UBR4: variants seen among roughly 807,000 people sequenced by gnomAD.
UBR4 encodes ubiquitin protein ligase E3 component n-recognin 4, also known as E3 ubiquitin-protein ligase UBR4.
In UBR4, 124 loss-of-function variants were observed where a neutral mutation model predicts 575.6. That is an observed-to-expected ratio of 0.22 (90% CI 0.19 to 0.25). UBR4 has a LOEUF of 0.25. Among genes scored for constraint, UBR4 ranks in the 10% least tolerant of loss-of-function variants. The pLI is 1.00. For synonymous variants in UBR4, 2,455 were observed against 2,473.7 expected (o/e 0.99, Z 0.22); for missense variants, 4,818 against 6,478.8 (o/e 0.74, Z 8.80).
Position 19,093,924 on chromosome 1 carries a change from A to T in UBR4, c.13937+25T>A. Reference sequence around the variant, plus strand: ...GCGTTTTAGTGGAGACTCTCATTTCACTATATGAAATCAAAGTAACATACT... The same window carrying T: ...GCGTTTTAGTGGAGACTCTCATTTCTCTATATGAAATCAAAGTAACATACT... On this transcript the variant is annotated intron_variant, in intron 95 of 105. Coordinates refer to ENST00000375254, the MANE Select transcript of UBR4 (RefSeq NM_020765.3). The surrounding 1 kb of genome is among the most constrained non-coding windows in gnomAD (Gnocchi z 4.8). 1 of 1,599,706 alleles carries T rather than the reference A, an allele frequency of 6.3e-7. No individual in the cohort carries two copies. The highest frequency in any genetic ancestry group is 8.5e-7 in the Non-Finnish European group (1 of 1,170,006).
rs779607917 is a variant in UBR4 at position 19,155,671 on chromosome 1, G to A, written c.6073-3C>T. On this transcript the variant is annotated splice_region_variant and splice_polypyrimidine_tract_variant and intron_variant, in intron 42 of 105. Coordinates refer to ENST00000375254, the MANE Select transcript of UBR4 (RefSeq NM_020765.3). ...GCATCAACACACAGGTCATAAATCT[G>A]CAGGATGGAAGAAAAATTAAATAAG... The A allele has an allele frequency of 2.5e-6, 4 of 1,610,894 alleles. No individual in the cohort carries two copies. Among genetic ancestry groups the A allele is most frequent in the Non-Finnish European group, 3.4e-6 (4 of 1,177,210 alleles).
At position 19,117,985 on chromosome 1, in the gene UBR4, C is replaced by A; in HGVS notation, c.10542-75G>T. On this transcript the variant is annotated intron_variant, in intron 71 of 105. Coordinates refer to ENST00000375254, the MANE Select transcript of UBR4 (RefSeq NM_020765.3). This position sits in a 1 kb window ranked among gnomAD's most constrained non-coding sequence, Gnocchi z 4.0. ...ACTGAGTTTCACAAAAAAATCATGA[C>A]AAAGCCATGGCTCAATGTGAGCCAA... The A allele has an allele frequency of 6.9e-7, 1 of 1,449,484 alleles. No homozygotes were observed. Among genetic ancestry groups the A allele is most frequent in the Non-Finnish European group, 9.7e-7 (1 of 1,034,958 alleles). The allele number at this position is 1,449,484 out of a possible 1,614,324, so 89.8% of individuals were successfully genotyped here. A position where few individuals can be genotyped will look rare whatever the true frequency, so the allele number is the denominator to read the frequency against.
intron 53 of UBR4, 116 bp from the exon 54 acceptor site, chr1:19,145,023 GACAA>G (rs960106992): frequency 1.3e-5 from 16 of 1,210,288 alleles, no homozygotes; most frequent in African/African-American, 9.2e-5. Context: ...CAAACAAAAT[GACAA>G]ACACTCACAT....
Position 19,187,194 on chromosome 1 carries a change from G to C in UBR4, c.1602C>G (p.Leu534=). 6.2e-7 allele frequency: 1 copy of C among 1,613,224 alleles called. No individual in the cohort carries two copies. Among genetic ancestry groups the C allele is most frequent in the South Asian group, 1.1e-5 (1 of 91,020 alleles). The part of the protein sequence containing the change: ...LIDSVPLMNL[L]LTLLSTSYRK... ...TGTAGGAAGTTGAAAGTAACGTCAA[G>C]AGCAGGTTCATCAGTGGGACAGAGT... Residue 534 remains leucine (L), a synonymous_variant, in exon 13 of 106, where the codon CTC becomes CTG. Coordinates refer to ENST00000375254, the MANE Select transcript of UBR4 (RefSeq NM_020765.3).
At position 19,099,497 on chromosome 1, in the gene UBR4, A is replaced by C. The variant is rs1446962828; in HGVS notation, c.13302+100T>G. 2.8e-6 allele frequency: 3 copies of C among 1,055,452 alleles called. No individual in the cohort carries two copies. The African/African-American group carries it at 5.2e-5, about 18-fold the overall frequency. 65.4% of individuals were successfully genotyped at this position (1,055,452 alleles called of 1,614,324 possible). On this transcript the variant is annotated intron_variant, in intron 90 of 105. Transcript: ENST00000375254. ...CAGTAAAGCCTTAGAGAGCTGCTAC[A>C]AGCCAGGTAAGTGATGATGAACAAT... is the stretch of plus-strand genomic sequence containing the variant.
At chr1:19,190,268 G>A (rs1021890784) in intron 11 of UBR4, among the ~76,000 whole-genome samples, 11 of 132,122 alleles carry the variant, frequency 8.3e-5, no homozygotes, top group African/African-American at 3.3e-4. Context: ...ACTCCAGCCT[G>A]GGCAACAGAG....
intron 69 of UBR4, 53 bp downstream of exon 69, chr1:19,120,127 C>A: frequency 6.3e-7 from 1 of 1,591,150 alleles, no homozygotes; most frequent in Non-Finnish European, 8.6e-7. Context: ...AACTGCATTA[C>A]GCACCCTGGC....
intron 8 of UBR4, 72 bp downstream of exon 8, chr1:19,197,069 G>A: frequency 6.4e-7 from 1 of 1,552,338 alleles, no homozygotes; most frequent in Non-Finnish European, 8.8e-7. Context: ...TATTCAGGAG[G>A]ATTTTCATGG....
At position 19,148,594 on chromosome 1, in the gene UBR4, C is replaced by A; in HGVS notation, c.7463G>T (p.Ser2488Ile). The A allele has an allele frequency of 6.2e-7, 1 of 1,614,232 alleles. No individual in the cohort carries two copies. The stretch of plus-strand genomic sequence containing the variant: ...GATGATTGGGCCAACGGCAAAGCAG[C>A]TTTCCAGGGCTTCTAAAGAACTCAC... ...LVVSSLEALE[S>I]CFAVGPIIEK... The change falls in exon 50 of 106, where the codon AGC (serine) becomes ATC (isoleucine). Residue 2488 changes from serine to isoleucine, a missense_variant. Physicochemically the swap from Ser to Ile is moderately radical, Grantham distance 142 (BLOSUM62 -2). This residue lies in a region of UBR4 where 340 missense variants were observed against 375.4 expected (regional missense o/e 0.91). Transcript: ENST00000375254.
chr1:19,082,968 T>C (rs2076663648), intron 102 of UBR4, among the ~76,000 whole-genome samples: 1 of 152,176 alleles, frequency 6.6e-6, no homozygotes, highest in South Asian at 2.1e-4. Flanking sequence ...GGAAGCAGTC[T>C]GGGCCGAGAA....
Position 19,175,033 on chromosome 1 carries a change from T to C in UBR4, c.2774A>G (p.Asp925Gly), listed in dbSNP as rs1254462325. ...EENWSKHFSS[D>G]AVPHPRFYCV... is the part of the protein sequence containing the mutation. ...GTAGAATCTGGGGTGTGGGACAGCATCTGAAAAGTAATATGCTGATTAAAA... is the reference window on the plus strand; with the variant it reads ...GTAGAATCTGGGGTGTGGGACAGCACCTGAAAAGTAATATGCTGATTAAAA... The change falls in exon 21 of 106, where the codon GAT becomes GGT. Residue 925 changes from aspartate to glycine, a missense_variant and splice_region_variant. By Grantham distance (94) the Asp-to-Gly change is moderately conservative. Transcript: ENST00000375254. 1 of 1,613,292 alleles carries C rather than the reference T, an allele frequency of 6.2e-7. No individual in the cohort carries two copies.
chr1:19,195,804 T>G (rs566645067), intron 8 of UBR4, among the ~76,000 whole-genome samples: 5 of 152,288 alleles, frequency 3.3e-5, no homozygotes, highest in African/African-American at 1.2e-4. Flanking sequence ...CTGAATGTTC[T>G]TCCTAAAATA....
rs2080863565 is a variant in UBR4 at position 19,118,747 on chromosome 1, A to C, written c.10541+125T>G. 6.6e-6 allele frequency: 6 copies of C among 911,684 alleles called. 1 individual carries two copies. The South Asian group carries it at 9.5e-5, about 14-fold the overall frequency. 56.5% of individuals were successfully genotyped at this position (911,684 alleles called of 1,614,324 possible). A position where few individuals can be genotyped will look rare whatever the true frequency, so the allele number is the denominator to read the frequency against. The stretch of plus-strand genomic sequence containing the variant: ...CCTACATGGAGGGGATTGGAATCTC[A>C]ACTAGGCAGATTCGCTCTTCTCTCA... On this transcript the variant is annotated intron_variant, in intron 71 of 105. Transcript: ENST00000375254.
In UBR4 at chr1:19,145,953, T is replaced by C; in HGVS notation, c.7805-20A>G. 6.2e-7 allele frequency: 1 copy of C among 1,612,664 alleles called. No individual in the cohort carries two copies. Among genetic ancestry groups the C allele is most frequent in the Non-Finnish European group, 8.5e-7 (1 of 1,178,886 alleles). Reference sequence around the variant, plus strand: ...TTCCTTCTAAGCAGGAGAAAGAAAATTATCAACGATGGTAAATCTGAGATG... The same window carrying C: ...TTCCTTCTAAGCAGGAGAAAGAAAACTATCAACGATGGTAAATCTGAGATG... On this transcript the variant is annotated intron_variant, in intron 52 of 105. Transcript: ENST00000375254.
chr1:19,132,821 A>C (rs1386638794), intron 60 of UBR4, among the ~76,000 whole-genome samples: 1 of 152,006 alleles, frequency 6.6e-6, no homozygotes, highest in African/African-American at 2.4e-5. Flanking sequence ...AAAAGATGAG[A>C]GAAAAATATA....
intron 39 of UBR4, 67 bp downstream of exon 39, chr1:19,160,044 A>C (rs1009264488): frequency 6.4e-7 from 1 of 1,573,112 alleles, no homozygotes. Context: ...CATCTAGCAC[A>C]TTTTGGGATC....
At chr1:19,104,025 C>T (rs1400556798) in intron 87 of UBR4, 59 bp downstream of exon 87, 14 of 1,570,842 alleles carry the variant, frequency 8.9e-6, no homozygotes, top group East Asian at 2.3e-5. Context: ...TGGTCGAATG[C>T]ACCTCGGCAG....
intron 69 of UBR4, 121 bp downstream of exon 69, chr1:19,120,059 G>C: frequency 2.5e-6 from 3 of 1,202,670 alleles, no homozygotes; most frequent in Non-Finnish European, 1.2e-6. Flanking sequence ...AAGCACAAGA[G>C]GATTCAGGCT....
At chr1:19,143,279 A>G (rs145597163) in intron 55 of UBR4, among the ~76,000 whole-genome samples, 25 of 83,666 alleles carry the variant, frequency 3.0e-4, no homozygotes, top group African/African-American at 9.2e-4. Flanking sequence ...AGAAAGAAAG[A>G]AAGAAAGAAA....
Sources: gnomAD v4.1 joint callset for allele counts (sites outside exome capture counted in the v4.1 genomes callset) on GRCh38, gnomAD v4.1.1 for gene constraint, gnomAD v4.1.1 regional missense constraint, Gnocchi (gnomAD v3.1) non-coding constraint, MANE v1.5 for transcripts, NCBI Gene and HGNC (gene_info 2026-07-23, HGNC 2026-07-21) for gene names.